RAB15: variants seen among roughly 807,000 people sequenced by gnomAD.
RAB15 encodes the protein ras-related protein Rab-15.
Under a neutral mutation model 31.8 loss-of-function variants are expected in RAB15, and 13 were observed. The ratio of observed to expected loss-of-function variants is 0.41; its 90% CI spans 0.27 to 0.65. RAB15 has a LOEUF of 0.65. Ranked by LOEUF, RAB15 falls within the 30% of genes least tolerant of loss-of-function variation. The probability of loss-of-function intolerance (pLI) is 0.32; values close to 1 mark genes in which losing one functional copy is unlikely to be tolerated. For missense variants in RAB15, 220 were observed against 277.3 expected (o/e 0.79, Z 1.47); for synonymous variants, 100 against 105.6 (o/e 0.95, Z 0.33).
chr14:64,956,939 T>C (rs1886607256), intron 1 of RAB15, among the ~76,000 whole-genome samples: 1 of 151,552 alleles, frequency 6.6e-6, no homozygotes, highest in Non-Finnish European at 1.5e-5. Flanking sequence ...GCTTCAATTT[T>C]TTTTTTTTTT....
chr14:64,969,564 G>C (rs1887319705), intron 1 of RAB15, among the ~76,000 whole-genome samples: 1 of 152,192 alleles, frequency 6.6e-6, no homozygotes, highest in Admixed American at 6.5e-5. Context: ...AACTCCTAGA[G>C]TCCTCTGTGT....
At position 64,952,403 on chromosome 14, in the gene RAB15, C is replaced by T. The variant is rs1316769977; in HGVS notation, c.185+108G>A. 3.8e-6 allele frequency: 3 copies of T among 790,782 alleles called. No individual in the cohort carries two copies. The highest frequency in any genetic ancestry group is 3.5e-5 in the African/African-American group (2 of 57,168). 49.0% of individuals were successfully genotyped at this position (790,782 alleles called of 1,614,324 possible). A position where few individuals can be genotyped will look rare whatever the true frequency, so the allele number is the denominator to read the frequency against. Reference sequence around the variant, plus strand: ...TCGCTTCCATCCATCAGAGAGGTGGCCAGTTATCCCAGGTGAAGCCTAGGA... The same window carrying T: ...TCGCTTCCATCCATCAGAGAGGTGGTCAGTTATCCCAGGTGAAGCCTAGGA... On this transcript the variant is annotated intron_variant, in intron 2 of 6. Coordinates refer to ENST00000533601, the MANE Select transcript of RAB15 (RefSeq NM_001308154.2). The surrounding 1 kb of genome is among the most constrained non-coding windows in gnomAD (Gnocchi z 4.2).
At chr14:64,969,632 G>T (rs931148577) in intron 1 of RAB15, among the ~76,000 whole-genome samples, 1 of 152,202 alleles carries the variant, frequency 6.6e-6, no homozygotes. Context: ...GGGAACCCGG[G>T]TGTCAGAAGC....
chr14:64,955,586 A>T lies in RAB15; in HGVS notation c.125-3015T>A, dbSNP rs908470985. The stretch of plus-strand genomic sequence containing the variant: ...ACCTATCACTGTCCCCCCACTGAAG[A>T]CTTCAGCTCCAGGGCACCCCCTCCC... On this transcript the variant is annotated intron_variant, in intron 1 of 6. Coordinates refer to ENST00000533601, the MANE Select transcript of RAB15 (RefSeq NM_001308154.2). This position sits in a 1 kb window ranked among gnomAD's most constrained non-coding sequence, Gnocchi z 4.4. Among the ~76,000 whole-genome samples the T allele has an allele frequency of 7.2e-5, 11 of 151,774 alleles. No homozygotes were observed. The highest frequency in any genetic ancestry group is 2.7e-4 in the African/African-American group (11 of 41,288).
intron 1 of RAB15, among the ~76,000 whole-genome samples, chr14:64,959,904 C>T (rs1394806676): frequency 6.6e-6 from 1 of 151,408 alleles, no homozygotes; most frequent in Non-Finnish European, 1.5e-5. Flanking sequence ...CCCCCTCACC[C>T]CAGAGAGCAT....
In RAB15 at chr14:64,968,950, G is replaced by A. The variant is rs1036893670; in HGVS notation, c.124+3003C>T. Among the ~76,000 whole-genome samples, 5 of 152,190 alleles carry A rather than the reference G, an allele frequency of 3.3e-5. No homozygotes were observed. Among genetic ancestry groups the A allele is most frequent in the Admixed American group, 6.5e-5 (1 of 15,280 alleles). On this transcript the variant is annotated intron_variant, in intron 1 of 6. Transcript: ENST00000533601. The surrounding 1 kb of genome is among the most constrained non-coding windows in gnomAD (Gnocchi z 4.9). ...GGGAGGCCTCTCACTGCTCCCTGGC[G>A]GGTTCTTCTCTAGAAGATCGCAGGC...
Position 64,968,527 on chromosome 14 carries a change from C to A in RAB15, c.124+3426G>T, listed in dbSNP as rs1887254169. ...TTAGCTTCTGATACCCACTGTGAGA[C>A]CTTCATTAAGAGTAACTGCAATGAT... On this transcript the variant is annotated intron_variant, in intron 1 of 6. Coordinates refer to ENST00000533601, the MANE Select transcript of RAB15 (RefSeq NM_001308154.2). This position sits in a 1 kb window ranked among gnomAD's most constrained non-coding sequence, Gnocchi z 4.9. Among the ~76,000 whole-genome samples, 1 of 152,208 alleles carries A rather than the reference C, an allele frequency of 6.6e-6. No individual in the cohort carries two copies.
At chr14:64,965,194 A>G (rs999261739) in intron 1 of RAB15, among the ~76,000 whole-genome samples, 1 of 151,712 alleles carries the variant, frequency 6.6e-6, no homozygotes, top group Non-Finnish European at 1.5e-5. Context: ...ATGGTGGCTC[A>G]CTCCTGTAAT....
In RAB15 at chr14:64,952,499, T is replaced by C; in HGVS notation, c.185+12A>G. ...TTCTCCTACATCTGCCTCCTCCTCCTCCCCAGCTCACCAGATCTGTATCCG... is the reference window on the plus strand; with the variant it reads ...TTCTCCTACATCTGCCTCCTCCTCCCCCCCAGCTCACCAGATCTGTATCCG... On this transcript the variant is annotated intron_variant, in intron 2 of 6. Transcript: ENST00000533601. The surrounding 1 kb of genome is among the most constrained non-coding windows in gnomAD (Gnocchi z 4.2). 1 of 1,607,564 alleles carries C rather than the reference T, an allele frequency of 6.2e-7. No individual in the cohort carries two copies. The highest frequency in any genetic ancestry group is 8.5e-7 in the Non-Finnish European group (1 of 1,174,538).
intron 1 of RAB15, among the ~76,000 whole-genome samples, chr14:64,960,879 C>G (rs1040678497): frequency 3.3e-5 from 5 of 152,156 alleles, no homozygotes; most frequent in African/African-American, 1.2e-4. Flanking sequence ...CTGTGGGGCC[C>G]AGATGGCTCC....
intron 1 of RAB15, among the ~76,000 whole-genome samples, chr14:64,959,384 G>A (rs554183296): frequency 1.3e-5 from 2 of 152,226 alleles, no homozygotes; most frequent in African/African-American, 4.8e-5. Flanking sequence ...CTAAACCATC[G>A]CTCCCTGCTC....
Position 64,950,958 on chromosome 14 carries a change from C to T in RAB15, c.324+116G>A, listed in dbSNP as rs775896894. On this transcript the variant is annotated intron_variant, in intron 4 of 6. Transcript: ENST00000533601. The surrounding 1 kb of genome is among the most constrained non-coding windows in gnomAD (Gnocchi z 5.6). The stretch of plus-strand genomic sequence containing the variant: ...TCTTACTCACCCAGAGGTCTTCATC[C>T]AGGGCTGTGGAAGGCAAAGCTTCCT... 2 of 1,613,248 alleles carry T rather than the reference C, an allele frequency of 1.2e-6. No individual in the cohort carries two copies. The highest frequency in any genetic ancestry group is 2.2e-5 in the South Asian group (2 of 90,994).
rs2139960693 is a variant in RAB15 at position 64,948,272 on chromosome 14, C to T, written c.*82G>A. On this transcript the variant is annotated 3_prime_UTR_variant, in exon 7 of 7. Transcript: ENST00000533601. This position sits in a 1 kb window ranked among gnomAD's most constrained non-coding sequence, Gnocchi z 7.0. ...GGGTCATCACACGAGAGGACAGCAG[C>T]AGGGCAAAGCCCCGGCTCCCCTGTC... is the stretch of plus-strand genomic sequence containing the variant. The T allele has an allele frequency of 7.3e-7, 1 of 1,378,314 alleles. No individual in the cohort carries two copies. The highest frequency in any genetic ancestry group is 9.5e-7 in the Non-Finnish European group (1 of 1,047,650). 85.4% of individuals were successfully genotyped at this position (1,378,314 alleles called of 1,614,324 possible).
intron 1 of RAB15, among the ~76,000 whole-genome samples, chr14:64,966,446 C>A (rs1594953706): frequency 6.6e-6 from 1 of 151,728 alleles, no homozygotes; most frequent in African/African-American, 2.4e-5. Context: ...TCACTTAAAC[C>A]CGGGAGATGG....
chr14:64,950,308 C>T lies in RAB15; in HGVS notation c.414+17G>A. 1 of 1,609,682 alleles carries T rather than the reference C, an allele frequency of 6.2e-7. No homozygotes were observed. ...AGCAGAGGACCTGGGGTGGACTTGC[C>T]TTTTCCCTCCACTTACCTGCTGCCC... On this transcript the variant is annotated intron_variant, in intron 5 of 6. Transcript: ENST00000533601. This position sits in a 1 kb window ranked among gnomAD's most constrained non-coding sequence, Gnocchi z 5.6.
intron 1 of RAB15, among the ~76,000 whole-genome samples, chr14:64,969,120 C>T (rs757937469): frequency 4.6e-5 from 7 of 152,190 alleles, no homozygotes; most frequent in Middle Eastern, 3.2e-3. Context: ...AAAGGTGCCT[C>T]GATCAGTGGC....
intron 1 of RAB15, among the ~76,000 whole-genome samples, chr14:64,969,033 G>A (rs966046042): frequency 1.3e-4 from 20 of 152,222 alleles, no homozygotes; most frequent in African/African-American, 4.6e-4. Flanking sequence ...ATATCCACAT[G>A]AGCCAAGAAG....
chr14:64,971,585 A>C lies in RAB15; in HGVS notation c.124+368T>G, dbSNP rs138899052. Among the ~76,000 whole-genome samples the C allele has an allele frequency of 0.013, 1,933 of 151,314 alleles. 23 individuals carry two copies. The highest frequency in any genetic ancestry group is 0.021 in the Non-Finnish European group (1,393 of 67,824). ...CCACCCTGACCCCCTTTTCCGTAGCAGAAGCTTTACTTCCCCTCCCCCTGG... is the reference window on the plus strand; with the variant it reads ...CCACCCTGACCCCCTTTTCCGTAGCCGAAGCTTTACTTCCCCTCCCCCTGG... On this transcript the variant is annotated intron_variant, in intron 1 of 6. Coordinates refer to ENST00000533601, the MANE Select transcript of RAB15 (RefSeq NM_001308154.2). The surrounding 1 kb of genome is among the most constrained non-coding windows in gnomAD (Gnocchi z 4.1).
Position 64,954,107 on chromosome 14 carries a change from T to G in RAB15, c.125-1536A>C, listed in dbSNP as rs1020645454. On this transcript the variant is annotated intron_variant, in intron 1 of 6. Coordinates refer to ENST00000533601, the MANE Select transcript of RAB15 (RefSeq NM_001308154.2). This position sits in a 1 kb window ranked among gnomAD's most constrained non-coding sequence, Gnocchi z 4.3. Reference sequence around the variant, plus strand: ...GAAAAAAGATGCAGAACGGGCAACCTGAACTAAATCGATTTGGTCAGACGT... The same window carrying G: ...GAAAAAAGATGCAGAACGGGCAACCGGAACTAAATCGATTTGGTCAGACGT... The G allele has an allele frequency of 1.0e-6, 1 of 985,456 alleles. No homozygotes were observed. The highest frequency in any genetic ancestry group is 4.7e-5 in the South Asian group (1 of 21,292). The allele number at this position is 985,456 out of a possible 1,614,324, so 61.0% of individuals were successfully genotyped here.
Sources: allele counts gnomAD v4.1 joint callset (sites outside exome capture counted in the v4.1 genomes callset), GRCh38; gene constraint gnomAD v4.1.1; non-coding constraint Gnocchi (gnomAD v3.1); transcripts MANE v1.5; gene names NCBI Gene and HGNC (gene_info 2026-07-23, HGNC 2026-07-21).